The following SRPX variants were observed in gnomAD, a reference collection of about 807,000 sequenced individuals.
SRPX encodes sushi repeat-containing protein SRPX.
A neutral mutation model predicts 38.1 loss-of-function variants in SRPX; 24 were observed. The observed-to-expected ratio is 0.63, with a 90% CI of 0.46 to 0.89. The LOEUF (loss-of-function observed/expected upper bound fraction) is 0.89. Ranked by LOEUF, SRPX falls within the 40% of genes least tolerant of loss-of-function variation. SRPX has a pLI of 0.00. For synonymous variants in SRPX, 184 were observed against 153.8 expected (o/e 1.20, Z -1.45); for missense variants, 416 against 377.8 (o/e 1.10, Z -0.84).
intron 1 of SRPX, among the ~76,000 whole-genome samples, chrX:38,199,020 C>T (rs957997696): frequency 9.0e-6 from 1 of 110,649 alleles, no homozygotes; most frequent in Admixed American, 9.5e-5. Flanking sequence ...TGGCAAAAAC[C>T]GCAATTACTT....
At chrX:38,180,398 G>A (rs1404223100) in intron 1 of SRPX, among the ~76,000 whole-genome samples, 2 of 111,503 alleles carry the variant, frequency 1.8e-5, no homozygotes, top group Non-Finnish European at 3.8e-5. Flanking sequence ...CAGGAGTCCA[G>A]TATTGGTCCT....
chrX:38,179,893 C>G (rs1017591424), intron 1 of SRPX, among the ~76,000 whole-genome samples: 1 of 110,988 alleles, frequency 9.0e-6, no homozygotes, highest in African/African-American at 3.3e-5. Flanking sequence ...TTACTTGAGC[C>G]CAGGAGTTCA....
chrX:38,188,278 G>T (rs1569210841), intron 1 of SRPX, among the ~76,000 whole-genome samples: 1 of 112,033 alleles, frequency 8.9e-6, no homozygotes, highest in East Asian at 2.8e-4. Flanking sequence ...TGTGGCAGAA[G>T]ATTCAACAGA....
In SRPX at chrX:38,207,273, C is replaced by T. The variant is rs144618669; in HGVS notation, c.97+13423G>A. Among the ~76,000 whole-genome samples, 168 of 112,256 alleles carry T rather than the reference C, an allele frequency of 1.5e-3. 6 individuals carry two copies. The East Asian group carries it at 0.04, about 27-fold the overall frequency. On this transcript the variant is annotated intron_variant, in intron 1 of 9. Coordinates refer to ENST00000378533, the MANE Select transcript of SRPX (RefSeq NM_006307.5). ...AGTCTCCTTCTATTGTTTAATACTA[C>T]GAAGGGCCAAAGTGTGTCCCTGCCC...
chrX:38,159,646 C>T (rs1004993902), intron 7 of SRPX, among the ~76,000 whole-genome samples: 7 of 112,795 alleles, frequency 6.2e-5, no homozygotes, highest in African/African-American at 2.3e-4. Context: ...GCCAGTGATG[C>T]AAAGCAGGTA....
At chrX:38,166,479 G>A (rs913965440) in intron 4 of SRPX, among the ~76,000 whole-genome samples, 1 of 111,592 alleles carries the variant, frequency 9.0e-6, no homozygotes, top group Admixed American at 9.6e-5. Flanking sequence ...GAAATAATAC[G>A]CTTCTCAGAA....
At chrX:38,172,308 C>T (rs972929662) in intron 3 of SRPX, among the ~76,000 whole-genome samples, 12 of 112,226 alleles carry the variant, frequency 1.1e-4, no homozygotes, top group Non-Finnish European at 1.9e-4. Flanking sequence ...ACAAAATTAG[C>T]CAGGCGTGGT....
At chrX:38,212,503 T>C (rs1449603594) in intron 1 of SRPX, among the ~76,000 whole-genome samples, 5 of 111,781 alleles carry the variant, frequency 4.5e-5, no homozygotes, top group Admixed American at 9.5e-5. Flanking sequence ...AGAAGAATCA[T>C]TGGAAGGATC....
intron 1 of SRPX, among the ~76,000 whole-genome samples, chrX:38,194,874 T>TG (rs1056414630): frequency 1.1e-5 from 1 of 88,147 alleles, no homozygotes; most frequent in African/African-American, 4.3e-5. Context: ...TTTTTTTTTT[T>TG]TTTTTTTTTT....
chrX:38,163,791 G>A (rs925791163), intron 5 of SRPX, among the ~76,000 whole-genome samples: 6 of 111,998 alleles, frequency 5.4e-5, no homozygotes, highest in African/African-American at 1.6e-4. Flanking sequence ...TGATATGATC[G>A]GGAGTTTTAA....
At chrX:38,175,371 A>G (rs962799492) in intron 2 of SRPX, among the ~76,000 whole-genome samples, 8 of 111,595 alleles carry the variant, frequency 7.2e-5, no homozygotes, top group African/African-American at 2.3e-4. Context: ...AGGAGGACAG[A>G]CCCTGTTTTA....
chrX:38,159,750 T>C (rs1015443705), intron 7 of SRPX, among the ~76,000 whole-genome samples: 2 of 112,578 alleles, frequency 1.8e-5, no homozygotes, highest in Admixed American at 9.3e-5. Context: ...TGCTGATTCA[T>C]AATGTCACCA....
intron 3 of SRPX, 28 bp from the exon 4 acceptor site, chrX:38,172,085 C>T: frequency 8.4e-7 from 1 of 1,192,949 alleles, no homozygotes. Context: ...AGATATTCAG[C>T]ATTTCTTAGT....
At chrX:38,174,114 G>A in intron 3 of SRPX, 46 bp downstream of exon 3, 1 of 960,227 alleles carries the variant, frequency 1.0e-6, no homozygotes, top group Non-Finnish European at 1.3e-6. Flanking sequence ...AAAGAACTTT[G>A]GCTCTGGTCA....
At chrX:38,150,484 G>A (rs1161309946) in intron 9 of SRPX, among the ~76,000 whole-genome samples, 2 of 112,011 alleles carry the variant, frequency 1.8e-5, no homozygotes, top group Non-Finnish European at 3.8e-5. Flanking sequence ...AGATGTGACC[G>A]GCATTTAGTG....
chrX:38,204,183 G>T (rs987757256), intron 1 of SRPX, among the ~76,000 whole-genome samples: 6 of 111,865 alleles, frequency 5.4e-5, no homozygotes, highest in African/African-American at 2.0e-4. Flanking sequence ...ATCAGTAGGT[G>T]TGACATAATT....
At position 38,178,285 on chromosome X, in the gene SRPX, C is replaced by A; in HGVS notation, c.157G>T (p.Asp53Tyr). 2 of 1,207,522 alleles carry A rather than the reference C, an allele frequency of 1.7e-6. No homozygotes were observed. The highest frequency in any genetic ancestry group is 3.5e-5 in the South Asian group (2 of 56,568). The change falls in exon 2 of 10, where the codon GAT becomes TAT. Residue 53 changes from aspartate to tyrosine, a missense_variant and splice_region_variant. Asp to Tyr is a radical substitution (Grantham distance 160). Coordinates refer to ENST00000378533, the MANE Select transcript of SRPX (RefSeq NM_006307.5). ...EVGYSHPRYK[D>Y]TPWCSPIKVK... ...ATTAGCACATAAGCAAAGCATTCAC[C>A]TTTATATCTAGGGTGTGAATACCCG...
chrX:38,203,241 T>TAA (rs200761211), intron 1 of SRPX, among the ~76,000 whole-genome samples: 19 of 107,563 alleles, frequency 1.8e-4, no homozygotes, highest in South Asian at 4.0e-4. Context: ...ATTCGTGATT[T>TAA]AAAAAAAAAA....
chrX:38,168,741 A>T (rs750847429), intron 4 of SRPX, among the ~76,000 whole-genome samples: 77 of 112,399 alleles, frequency 6.9e-4, no homozygotes, highest in African/African-American at 2.4e-3. Context: ...CCAGAGCGTA[A>T]TCTCTGTGGA....
Sources: gnomAD v4.1 joint callset for allele counts (sites outside exome capture counted in the v4.1 genomes callset) on GRCh38, gnomAD v4.1.1 for gene constraint, MANE v1.5 for transcripts, NCBI Gene and HGNC (gene_info 2026-07-23, HGNC 2026-07-21) for gene names.